GALNTL6: variants seen among roughly 807,000 people sequenced by gnomAD.
The protein encoded by GALNTL6 is polypeptide N-acetylgalactosaminyltransferase-like 6.
A neutral mutation model predicts 73.7 loss-of-function variants in GALNTL6; 46 were observed. That is an observed-to-expected ratio of 0.62 (90% confidence interval 0.49 to 0.80). The LOEUF is 0.80. GALNTL6 is among the 30% of genes least tolerant of loss of function. The probability of loss-of-function intolerance (pLI) is 0.00; values close to 1 mark genes in which losing one functional copy is unlikely to be tolerated. For missense variants in GALNTL6, 604 were observed against 755.0 expected (o/e 0.80, Z 2.34); for synonymous variants, 259 against 263.7 (o/e 0.98, Z 0.17).
Position 172,502,948 on chromosome 4 carries a change from T to C in GALNTL6, c.553+154259T>C, listed in dbSNP as rs1476710984. ...AATGGAGAAAGCTTGTAAATATTCA[T>C]GAAGTAATAGCAAACTAAATATTAC... On this transcript the variant is annotated intron_variant, in intron 5 of 12. Transcript: ENST00000506823. Among the ~76,000 whole-genome samples, 8 of 152,188 alleles carry C rather than the reference T, an allele frequency of 5.3e-5. No homozygotes were observed. In the East Asian group the frequency reaches 1.5e-3, roughly 29 times the overall value.
chr4:172,413,967 C>T (rs889424724), intron 5 of GALNTL6, among the ~76,000 whole-genome samples: 4 of 152,084 alleles, frequency 2.6e-5, no homozygotes, highest in Non-Finnish European at 5.9e-5. Flanking sequence ...TGTGAAGGAA[C>T]TTTATGAGCC....
chr4:172,339,257 CCACACACACACA>C (rs70941402), intron 4 of GALNTL6, among the ~76,000 whole-genome samples: 2,207 of 120,994 alleles, frequency 0.018, 31 homozygotes, highest in Admixed American at 0.039. Flanking sequence ...CACACACACA[CCACACACACACA>C]CACACACACA....
chr4:172,575,140 C>T (rs1040971417), intron 5 of GALNTL6, among the ~76,000 whole-genome samples: 1 of 152,144 alleles, frequency 6.6e-6, no homozygotes, highest in Non-Finnish European at 1.5e-5. Flanking sequence ...TACAACTCTG[C>T]CTTCATGACA....
chr4:172,357,572 G>A (rs994139690), intron 5 of GALNTL6, among the ~76,000 whole-genome samples: 4 of 150,756 alleles, frequency 2.7e-5, no homozygotes, highest in Admixed American at 1.3e-4. Flanking sequence ...TTTCTGCCTG[G>A]CCTCTCAAAA....
chr4:172,094,880 A>T (rs575038376), intron 2 of GALNTL6, among the ~76,000 whole-genome samples: 1 of 151,984 alleles, frequency 6.6e-6, no homozygotes, highest in African/African-American at 2.4e-5. Context: ...CTTACTGTAC[A>T]GCTATATCTT....
At chr4:172,762,954 A>T (rs1372763222) in intron 5 of GALNTL6, among the ~76,000 whole-genome samples, 1 of 152,158 alleles carries the variant, frequency 6.6e-6, no homozygotes, top group East Asian at 1.9e-4. Context: ...TACTTAAATA[A>T]AAAACTCTCA....
At chr4:171,962,921 C>T (rs945838276) in intron 2 of GALNTL6, among the ~76,000 whole-genome samples, 1 of 151,778 alleles carries the variant, frequency 6.6e-6, no homozygotes, top group Non-Finnish European at 1.5e-5. Flanking sequence ...GTGTGCACCA[C>T]CATGCCCAGC....
intron 4 of GALNTL6, among the ~76,000 whole-genome samples, chr4:172,339,791 T>G (rs1741496698): frequency 6.6e-6 from 1 of 152,212 alleles, no homozygotes; most frequent in Non-Finnish European, 1.5e-5. Context: ...TATTGAGACT[T>G]GACTCACTTT....
At chr4:172,916,569 G>A (rs1579650256) in intron 8 of GALNTL6, among the ~76,000 whole-genome samples, 1 of 152,148 alleles carries the variant, frequency 6.6e-6, no homozygotes, top group South Asian at 2.1e-4. Flanking sequence ...CAAAATCAAT[G>A]TGCAAAAATC....
chr4:172,861,318 C>CGTGTGTGTGT lies in GALNTL6; in HGVS notation c.924-21472_924-21471insGTGTGTGTGT, dbSNP rs772337885. Among the ~76,000 whole-genome samples the CGTGTGTGTGT allele has an allele frequency of 8.7e-4, 123 of 140,884 alleles. 2 individuals are homozygous for CGTGTGTGTGT. The highest frequency in any genetic ancestry group is 5.7e-3 in the East Asian group (28 of 4,934). The allele number at this position is 140,884 out of a possible 152,430, so 92.4% of individuals were successfully genotyped here. A position where few individuals can be genotyped will look rare whatever the true frequency, so the allele number is the denominator to read the frequency against. Reference sequence around the variant, plus strand: ...TGTTGTCTGGCTTGGTTTTTGCTTACATGTGTGTGTGTGTGTGTGTGTGTG... The same window carrying CGTGTGTGTGT: ...TGTTGTCTGGCTTGGTTTTTGCTTACGTGTGTGTGTATGTGTGTGTGTGTGTGTGTGTGTG... On this transcript the variant is annotated intron_variant, in intron 7 of 12. Coordinates refer to ENST00000506823, the MANE Select transcript of GALNTL6 (RefSeq NM_001034845.3).
At chr4:172,234,107 T>C (rs943171022) in intron 3 of GALNTL6, among the ~76,000 whole-genome samples, 2 of 152,048 alleles carry the variant, frequency 1.3e-5, no homozygotes, top group African/African-American at 4.8e-5. Flanking sequence ...ATTTAGAAAA[T>C]GTTCTAAGGT....
At chr4:172,502,712 A>G (rs1734303352) in intron 5 of GALNTL6, among the ~76,000 whole-genome samples, 3 of 152,374 alleles carry the variant, frequency 2.0e-5, no homozygotes, top group East Asian at 3.9e-4. Flanking sequence ...GACATAAAGA[A>G]GTATTGAGCA....
intron 5 of GALNTL6, among the ~76,000 whole-genome samples, chr4:172,729,244 T>C: frequency 6.6e-6 from 1 of 152,132 alleles, no homozygotes; most frequent in South Asian, 2.1e-4. Context: ...TGTAATCCCA[T>C]TTGTCTATTT....
At chr4:172,849,165 A>G (rs571920881) in intron 7 of GALNTL6, among the ~76,000 whole-genome samples, 87 of 152,320 alleles carry the variant, frequency 5.7e-4, no homozygotes, top group Middle Eastern at 3.4e-3. Context: ...CTGTAGGACA[A>G]GACAGATTTC....
chr4:172,552,414 T>A (rs1383554767), intron 5 of GALNTL6, among the ~76,000 whole-genome samples: 2 of 152,088 alleles, frequency 1.3e-5, no homozygotes, highest in Non-Finnish European at 2.9e-5. Flanking sequence ...AATATATATT[T>A]TTTCTGCTGA....
intron 5 of GALNTL6, among the ~76,000 whole-genome samples, chr4:172,682,089 G>A (rs1034266360): frequency 9.9e-5 from 15 of 152,284 alleles, no homozygotes; most frequent in African/African-American, 3.6e-4. Context: ...CAGATACAGG[G>A]AGGAGACACA....
At chr4:172,701,330 T>G (rs1734016819) in intron 5 of GALNTL6, among the ~76,000 whole-genome samples, 1 of 152,096 alleles carries the variant, frequency 6.6e-6, no homozygotes, top group Admixed American at 6.6e-5. Flanking sequence ...CTATAATTAT[T>G]GGTGGCAAAC....
intron 9 of GALNTL6, among the ~76,000 whole-genome samples, chr4:172,933,724 A>G (rs1748470886): frequency 6.6e-6 from 1 of 152,206 alleles, no homozygotes; most frequent in African/African-American, 2.4e-5. Flanking sequence ...TACATGCTAC[A>G]TTATTACCAT....
At chr4:172,147,910 T>C (rs1028495182) in intron 2 of GALNTL6, among the ~76,000 whole-genome samples, 9 of 152,136 alleles carry the variant, frequency 5.9e-5, no homozygotes, top group African/African-American at 1.9e-4. Context: ...AGACTTTTAA[T>C]AGCATTGTGA....
Sources: gnomAD v4.1 joint callset for allele counts (sites outside exome capture counted in the v4.1 genomes callset) on GRCh38, gnomAD v4.1.1 for gene constraint, MANE v1.5 for transcripts, NCBI Gene and HGNC (gene_info 2026-07-23, HGNC 2026-07-21) for gene names.